Variants in DBH observed in about 807,000 individuals in gnomAD.
The protein encoded by DBH is dopamine beta-hydroxylase (dopamine beta-monooxygenase).
Under a neutral mutation model 64.0 loss-of-function variants are expected in DBH, and 49 were observed. The observed-to-expected ratio is 0.77, with a 90% CI of 0.61 to 0.97. The LOEUF (loss-of-function observed/expected upper bound fraction) is 0.97, where lower values mean the gene tolerates loss of function less well. Ranked by LOEUF, DBH falls within the 50% of genes least tolerant of loss-of-function variation. The probability of loss-of-function intolerance (pLI) is 0.00; values close to 1 mark genes in which losing one functional copy is unlikely to be tolerated. For synonymous variants in DBH, 343 were observed against 347.1 expected (o/e 0.99, Z 0.13); for missense variants, 828 against 826.6 (o/e 1.00, Z -0.02).
At chr9:133,658,190 GAGTT>G in intron 11 of DBH, 122 bp from the exon 12 acceptor site, 3 of 1,289,382 alleles carry the variant, frequency 2.3e-6, no homozygotes, top group Non-Finnish European at 3.3e-6. Flanking sequence ...GGAGCAGAGT[GAGTT>G]CAGTTTGAGA....
intron 10 of DBH, 39 bp downstream of exon 10, chr9:133,656,689 C>T (rs1326134143): frequency 1.2e-5 from 20 of 1,607,666 alleles, no homozygotes; most frequent in Non-Finnish European, 1.6e-5. Flanking sequence ...CCCCAGGGAA[C>T]CCCGACACAG....
rs760667300 is a variant in DBH, at chr9:133,656,564, G to A, written c.1476G>A (p.Val492=). The change falls in exon 10 of 12, where the codon GTG becomes GTA. Residue 492 remains valine (V), a synonymous_variant. Coordinates refer to ENST00000393056, the MANE Select transcript of DBH (RefSeq NM_000787.4). ...GILEEMCVNY[V]HYYPQTQLEL... ...TGGAGGAGATGTGTGTCAACTACGT[G>A]CACTACTACCCCCAGACGCAGCTGG... The A allele has an allele frequency of 6.8e-6, 11 of 1,613,844 alleles. No homozygotes were observed. The South Asian group carries it at 8.8e-5, about 13-fold the overall frequency.
At chr9:133,649,679 ACT>A (rs1360826348) in intron 6 of DBH, among the ~76,000 whole-genome samples, 1 of 152,022 alleles carries the variant, frequency 6.6e-6, no homozygotes, top group African/African-American at 2.4e-5. Context: ...GGGGGTGGAC[ACT>A]CTCTCCCACT....
At chr9:133,648,087 C>T (rs927507889) in intron 6 of DBH, 75 bp downstream of exon 6, 1 of 1,511,444 alleles carries the variant, frequency 6.6e-7, no homozygotes, top group Admixed American at 1.9e-5. Context: ...AGGTCGTGGC[C>T]CACGAAGGGT....
chr9:133,650,563 T>A (rs572400469), intron 6 of DBH, among the ~76,000 whole-genome samples: 19 of 149,810 alleles, frequency 1.3e-4, no homozygotes, highest in Admixed American at 1.2e-3. Context: ...TTTTTTTTTT[T>A]TTTGATGGAG....
At chr9:133,656,206 G>A (rs146031372) in intron 9 of DBH, 5,059 of 364,086 alleles carry the variant, frequency 0.014, 54 homozygotes, top group Non-Finnish European at 0.021. Context: ...GCATCCCCTT[G>A]CCTGCTCTGA....
chr9:133,653,330 T>A (rs1564213745), intron 9 of DBH, among the ~76,000 whole-genome samples: 1 of 152,070 alleles, frequency 6.6e-6, no homozygotes, highest in Non-Finnish European at 1.5e-5. Context: ...CACCCGGGGC[T>A]GGTGTGGGGA....
At position 133,636,715 on chromosome 9, in the gene DBH, G is replaced by A; in HGVS notation, c.339+5G>A. On this transcript the variant is annotated splice_donor_5th_base_variant and intron_variant, in intron 1 of 11. Transcript: ENST00000393056. ...GGGGACACTGCCTATTTTGCGGTGA[G>A]TCTCTCCTCCCTGCCAGCTCTCCAA... The A allele has an allele frequency of 1.2e-6, 2 of 1,600,148 alleles. No individual in the cohort carries two copies. Among genetic ancestry groups the A allele is most frequent in the Non-Finnish European group, 8.5e-7 (1 of 1,179,582 alleles).
intron 5 of DBH, among the ~76,000 whole-genome samples, chr9:133,647,278 TAC>T (rs1832192967): frequency 6.6e-6 from 1 of 152,342 alleles, no homozygotes; most frequent in African/African-American, 2.4e-5. Flanking sequence ...AACACAGAGA[TAC>T]ACTCACACTT....
rs1832262286 is a variant in DBH, at chr9:133,652,404, C to T, written c.1374+120C>T. The stretch of plus-strand genomic sequence containing the variant: ...AGTGATAGGGGGAGGGAGAGCCATC[C>T]AGGGCAGGGGGAGGGTGCCTGTGGG... On this transcript the variant is annotated intron_variant, in intron 8 of 11. Transcript: ENST00000393056. 6 of 1,251,214 alleles carry T rather than the reference C, an allele frequency of 4.8e-6. No homozygotes were observed. The South Asian group carries it at 7.3e-5, about 15-fold the overall frequency. 77.5% of individuals were successfully genotyped at this position (1,251,214 alleles called of 1,614,324 possible). A position where few individuals can be genotyped will look rare whatever the true frequency, so the allele number is the denominator to read the frequency against.
intron 11 of DBH, 128 bp from the exon 12 acceptor site, chr9:133,658,188 G>A: frequency 7.8e-7 from 1 of 1,282,678 alleles, no homozygotes; most frequent in South Asian, 1.3e-5. Flanking sequence ...GGGGAGCAGA[G>A]TGAGTTCAGT....
In DBH at chr9:133,636,397, G is replaced by A. The variant is rs1191237522; in HGVS notation, c.26G>A (p.Ser9Asn). MPALSRWASLPGPSMREAA... is the reference protein window; with the variant it reads MPALSRWANLPGPSMREAA... ...ATGCCCGCCCTCAGTCGCTGGGCCAGCCTGCCCGGCCCCAGCATGCGGGAG... is the reference window on the plus strand; with the variant it reads ...ATGCCCGCCCTCAGTCGCTGGGCCAACCTGCCCGGCCCCAGCATGCGGGAG... Residue 9 changes from serine (S) to asparagine (N), a missense_variant, in exon 1 of 12, where the codon AGC becomes AAC. By Grantham distance (46) the Ser-to-Asn change is conservative. Transcript: ENST00000393056. 4.3e-6 allele frequency: 7 copies of A among 1,610,866 alleles called. No homozygotes were observed. The highest frequency in any genetic ancestry group is 1.7e-5 in the Admixed American group (1 of 59,998).
Position 133,653,006 on chromosome 9 carries a change from C to G in DBH, c.1434+7C>G. The G allele has an allele frequency of 6.2e-7, 1 of 1,608,968 alleles. No homozygotes were observed. Among genetic ancestry groups the G allele is most frequent in the Non-Finnish European group, 8.5e-7 (1 of 1,175,596 alleles). ...CCGGGAGCTGGCCACAGTGGTAAGT[C>G]ACCCCCGCTTCCCCCTGCACCTGCC... On this transcript the variant is annotated splice_region_variant and intron_variant, in intron 9 of 11. Coordinates refer to ENST00000393056, the MANE Select transcript of DBH (RefSeq NM_000787.4).
rs774430399 is a variant in DBH, at chr9:133,642,247, C to T, written c.527C>T (p.Pro176Leu). The stretch of plus-strand genomic sequence containing the variant: ...TTGGTCTACGGGATCCTGGAGGAGC[C>T]GTTCCGGTCACTGGAGGCCATCAAC... ...VHLVYGILEEPFRSLEAINGS... is the reference protein window; with the variant it reads ...VHLVYGILEELFRSLEAINGS... The change falls in exon 3 of 12, where the codon CCG (proline) becomes CTG (leucine). Residue 176 changes from proline to leucine, a missense_variant. By Grantham distance (98) the Pro-to-Leu change is moderately conservative (BLOSUM62 -3). Coordinates refer to ENST00000393056, the MANE Select transcript of DBH (RefSeq NM_000787.4). The T allele has an allele frequency of 5.1e-5, 82 of 1,613,768 alleles. No homozygotes were observed. The highest frequency in any genetic ancestry group is 6.4e-5 in the Non-Finnish European group (76 of 1,180,028).
Position 133,643,305 on chromosome 9 carries a change from C to T in DBH, c.745-108C>T. 1.7e-6 allele frequency: 2 copies of T among 1,193,568 alleles called. No homozygotes were observed. The highest frequency in any genetic ancestry group is 1.9e-5 in the Admixed American group (1 of 52,596). 73.9% of individuals were successfully genotyped at this position (1,193,568 alleles called of 1,614,324 possible). On this transcript the variant is annotated intron_variant, in intron 3 of 11. Transcript: ENST00000393056. This position sits in a 1 kb window ranked among gnomAD's most constrained non-coding sequence, Gnocchi z 5.3. Reference sequence around the variant, plus strand: ...GAAGTGCCCCTGAAATTGTCTGGATCATCCCTCCCATTTTACAGATGGGCA... The same window carrying T: ...GAAGTGCCCCTGAAATTGTCTGGATTATCCCTCCCATTTTACAGATGGGCA...
Position 133,657,127 on chromosome 9 carries a change from C to T in DBH, c.1620C>T (p.Thr540=). The T allele has an allele frequency of 6.2e-7, 1 of 1,614,116 alleles. No homozygotes were observed. Among genetic ancestry groups the T allele is most frequent in the Non-Finnish European group, 8.5e-7 (1 of 1,180,016 alleles). The change falls in exon 11 of 12, where the codon ACC becomes ACT. Residue 540 remains threonine (T), a synonymous_variant. Coordinates refer to ENST00000393056, the MANE Select transcript of DBH (RefSeq NM_000787.4). ...AGGCGTCCGTGTCTCAGCAGTTCAC[C>T]TCTGTTCCCTGGAACTCCTTCAACC... ...CPQASVSQQF[T]SVPWNSFNRD...
chr9:133,652,960 C>T lies in DBH; in HGVS notation c.1395C>T (p.Ser465=), dbSNP rs1311652585. 6.2e-7 allele frequency: 1 copy of T among 1,613,482 alleles called. No homozygotes were observed. The highest frequency in any genetic ancestry group is 1.3e-5 in the African/African-American group (1 of 74,910). The change falls in exon 9 of 12, where the codon TCC becomes TCT. Residue 465 remains serine, a synonymous_variant. Transcript: ENST00000393056. ...CTCAGGGAGATGTGCTCATCACCTC[C>T]TGCACGTACAACACAGAAGACCGGG... The part of the protein sequence containing the change: ...SVHPGDVLIT[S]CTYNTEDREL...
In DBH at chr9:133,642,603, C is replaced by T. The variant is rs1175412159; in HGVS notation, c.744+139C>T. ...TATCACTGGAACCTCAGGCACCTGC[C>T]TGAGCAGGGGAGCAGCAAGTGGTCT... On this transcript the variant is annotated intron_variant, in intron 3 of 11. Coordinates refer to ENST00000393056, the MANE Select transcript of DBH (RefSeq NM_000787.4). 1.5e-5 allele frequency: 16 copies of T among 1,083,314 alleles called. No individual in the cohort carries two copies. The Admixed American group carries it at 3.2e-4, about 22-fold the overall frequency. The allele number at this position is 1,083,314 out of a possible 1,614,324, so 67.1% of individuals were successfully genotyped here.
chr9:133,639,849 G>T lies in DBH; in HGVS notation c.343G>T (p.Ala115Ser). The change falls in exon 2 of 12, where the codon GCC (alanine) becomes TCC (serine). Residue 115 changes from alanine to serine, a missense_variant. Transcript: ENST00000393056. ...AGCCCAGTGCTTGTCTCTGCAGGAC[G>T]CCTGGAGTGACCAGAAGGGGCAGAT... ...TDGDTAYFAD[A>S]WSDQKGQIHL... 1 of 1,610,200 alleles carries T rather than the reference G, an allele frequency of 6.2e-7. No individual in the cohort carries two copies. The highest frequency in any genetic ancestry group is 8.5e-7 in the Non-Finnish European group (1 of 1,178,854).
Sources: allele counts gnomAD v4.1 joint callset (sites outside exome capture counted in the v4.1 genomes callset), GRCh38; gene constraint gnomAD v4.1.1; non-coding constraint Gnocchi (gnomAD v3.1); transcripts MANE v1.5; gene names NCBI Gene and HGNC (gene_info 2026-07-23, HGNC 2026-07-21).